The following ZNG1B variants were observed in gnomAD, a reference collection of about 807,000 sequenced individuals.
ZNG1B encodes Zn regulated GTPase metalloprotein activator 1B, also known as zinc-regulated GTPase metalloprotein activator 1B.
chr2:113,465,263 A>T, the ZNG1B span: 1 of 425,046 alleles, frequency 2.4e-6, no homozygotes, highest in South Asian at 2.3e-5. Context: ...CTTGATTCTA[A>T]TATAAGAAAG....
the ZNG1B span, chr2:113,445,238 G>T: frequency 8.5e-4 from 552 of 645,646 alleles, 9 homozygotes; most frequent in South Asian, 0.012. Context: ...TGAATGAACG[G>T]AGTATTTCTT....
chr2:113,471,217 A>G, the ZNG1B span: 1 of 1,419,524 alleles, frequency 7.0e-7, no homozygotes, highest in Non-Finnish European at 9.7e-7. Context: ...ACAAGACCAT[A>G]CTTAATGAGG....
the ZNG1B span, chr2:113,455,601 C>A: frequency 8.5e-6 from 11 of 1,287,252 alleles, no homozygotes; most frequent in East Asian, 3.3e-4. Context: ...ATCCCACCCA[C>A]TGACCCGTTC....
At chr2:113,474,287 A>G in the ZNG1B span, among the ~76,000 whole-genome samples, 1 of 150,754 alleles carries the variant, frequency 6.6e-6, no homozygotes, top group Admixed American at 6.6e-5. Flanking sequence ...AGGTGTTTGT[A>G]GTATTCTCTG....
the ZNG1B span, among the ~76,000 whole-genome samples, chr2:113,476,955 T>A: frequency 6.6e-6 from 1 of 152,182 alleles, no homozygotes; most frequent in Non-Finnish European, 1.5e-5. Flanking sequence ...TCTGCAGAGG[T>A]TACTGCTGTC....
chr2:113,463,209 G>A, the ZNG1B span, among the ~76,000 whole-genome samples: 2 of 152,156 alleles, frequency 1.3e-5, no homozygotes, highest in African/African-American at 2.4e-5. Flanking sequence ...CTTTTCAAAT[G>A]AGGTTATAGT....
chr2:113,471,119 T>C, the ZNG1B span: 1 of 1,364,426 alleles, frequency 7.3e-7, no homozygotes, highest in East Asian at 2.3e-5. Flanking sequence ...GTTACTTTTA[T>C]TGTTATGTAC....
At chr2:113,470,909 A>G in the ZNG1B span, 1 of 665,496 alleles carries the variant, frequency 1.5e-6, no homozygotes, top group Non-Finnish European at 2.6e-6. Context: ...CAAATCTTAC[A>G]CCATTTGCCC....
chr2:113,477,118 T>G, the ZNG1B span, among the ~76,000 whole-genome samples: 1 of 152,204 alleles, frequency 6.6e-6, no homozygotes, highest in Non-Finnish European at 1.5e-5. Context: ...TCCCCCAGCC[T>G]CGCTGCCGCC....
chr2:113,469,086 A>G, the ZNG1B span: 1 of 151,060 alleles, frequency 6.6e-6, no homozygotes, highest in Non-Finnish European at 1.5e-5. Context: ...TCCTAAGATG[A>G]AGATGACAAA....
the ZNG1B span, chr2:113,462,330 A>G: frequency 7.2e-7 from 1 of 1,392,868 alleles, no homozygotes; most frequent in East Asian, 2.3e-5. Context: ...ATTTGTTAGC[A>G]TTCCTCTTTT....
the ZNG1B span, among the ~76,000 whole-genome samples, chr2:113,485,160 T>A: frequency 1.4e-5 from 2 of 145,212 alleles, no homozygotes; most frequent in African/African-American, 5.3e-5. Context: ...CTTGAACTGG[T>A]AGGATTTTTT....
At chr2:113,463,875 A>G in the ZNG1B span, among the ~76,000 whole-genome samples, 1 of 151,880 alleles carries the variant, frequency 6.6e-6, no homozygotes, top group African/African-American at 2.4e-5. Flanking sequence ...GAAGAAAGAA[A>G]AAGATGGCTG....
the ZNG1B span, among the ~76,000 whole-genome samples, chr2:113,446,790 A>T: frequency 6.9e-6 from 1 of 145,506 alleles, no homozygotes; most frequent in Admixed American, 6.8e-5. Context: ...ACACACACAC[A>T]CATTCATACA....
chr2:113,453,363 G>A, the ZNG1B span, among the ~76,000 whole-genome samples: 48 of 149,700 alleles, frequency 3.2e-4, no homozygotes, highest in African/African-American at 9.4e-4. Flanking sequence ...AGTGATTCTC[G>A]TGCCTCAGCC....
chr2:113,462,044 A>G, the ZNG1B span, among the ~76,000 whole-genome samples: 11 of 152,234 alleles, frequency 7.2e-5, no homozygotes, highest in African/African-American at 2.2e-4. Context: ...TCTGAATTTT[A>G]TTCTTTTCTT....
At chr2:113,447,985 C>T in the ZNG1B span, 1 of 381,622 alleles carries the variant, frequency 2.6e-6, no homozygotes, top group Non-Finnish European at 5.1e-6. Context: ...ATACTCTATT[C>T]ATGTTGATAC....
the ZNG1B span, among the ~76,000 whole-genome samples, chr2:113,438,203 C>T: frequency 6.6e-6 from 1 of 152,084 alleles, no homozygotes; most frequent in Non-Finnish European, 1.5e-5. Context: ...GTTAATGATG[C>T]CCGGCCCCCT....
At chr2:113,445,891 G>A in the ZNG1B span, among the ~76,000 whole-genome samples, 1 of 151,282 alleles carries the variant, frequency 6.6e-6, no homozygotes, top group Non-Finnish European at 1.5e-5. Flanking sequence ...ACAGGTCATA[G>A]TTGTCCAAAA....
Sources: gnomAD v4.1 joint callset for allele counts (sites outside exome capture counted in the v4.1 genomes callset) on GRCh38, gnomAD v4.1.1 for gene constraint, MANE v1.5 for transcripts, NCBI Gene and HGNC (gene_info 2026-07-23, HGNC 2026-07-21) for gene names.